CPEB1: variants seen among roughly 807,000 people sequenced by gnomAD.
CPEB1 encodes the protein cytoplasmic polyadenylation element-binding protein 1.
Under a neutral mutation model 65.8 loss-of-function variants are expected in CPEB1, and 7 were observed. The ratio of observed to expected loss-of-function variants is 0.11; its 90% CI spans 0.06 to 0.20. The LOEUF (loss-of-function observed/expected upper bound fraction) is 0.20. Ranked by LOEUF, CPEB1 falls within the 10% of genes least tolerant of loss-of-function variation. CPEB1 has a pLI of 1.00. For synonymous variants in CPEB1, 262 were observed against 260.0 expected, an observed-to-expected ratio of 1.01 and a Z score of -0.08; for missense variants, 551 against 712.2, an observed-to-expected ratio of 0.77 and a Z score of 2.58.
At chr15:82,567,642 A>G (rs28648832) in intron 4 of CPEB1, among the ~76,000 whole-genome samples, 30,783 of 151,894 alleles carry the variant, frequency 0.2, 3,332 homozygotes, top group Non-Finnish European at 0.24. Flanking sequence ...TCTCAAAAAA[A>G]AAAAGAAAAG....
At chr15:82,549,757 C>G in intron 9 of CPEB1, 99 bp from the exon 10 acceptor site, 1 of 1,190,278 alleles carries the variant, frequency 8.4e-7, no homozygotes, top group Non-Finnish European at 1.2e-6. Flanking sequence ...TGAAGCTAAG[C>G]TAACGCCCTT....
At chr15:82,618,745 C>T (rs2045003268) in intron 3 of CPEB1, among the ~76,000 whole-genome samples, 1 of 152,152 alleles carries the variant, frequency 6.6e-6, no homozygotes, top group South Asian at 2.1e-4. Flanking sequence ...TAAATACCAT[C>T]AAAACCTAGA....
At chr15:82,588,266 G>C (rs552629881) in intron 3 of CPEB1, among the ~76,000 whole-genome samples, 2 of 152,042 alleles carry the variant, frequency 1.3e-5, no homozygotes, top group South Asian at 4.2e-4. Flanking sequence ...TCTTAATGTG[G>C]AAGTTCATCC....
chr15:82,632,039 T>C (rs992125078), intron 1 of CPEB1, among the ~76,000 whole-genome samples: 8 of 142,142 alleles, frequency 5.6e-5, no homozygotes, highest in African/African-American at 2.1e-4. Flanking sequence ...TGGAGTGCAA[T>C]GGTGTGATCT....
At chr15:82,637,962 C>T (rs778093148) in intron 1 of CPEB1, 15 of 451,716 alleles carry the variant, frequency 3.3e-5, no homozygotes. Context: ...CAATGATTTT[C>T]CAAGACAAAA....
In CPEB1 at chr15:82,553,996, G is replaced by A; in HGVS notation, c.941-5C>T. On this transcript the variant is annotated splice_polypyrimidine_tract_variant and splice_region_variant and intron_variant, in intron 6 of 12. Transcript: ENST00000684509. ...TACAGGTGGCTTCATTCACAGCTTT[G>A]GTAGATGGCAAAGAGATAAACAGGG... The A allele has an allele frequency of 6.4e-7, 1 of 1,565,084 alleles. No homozygotes were observed. The highest frequency in any genetic ancestry group is 8.7e-7 in the Non-Finnish European group (1 of 1,145,966).
intron 3 of CPEB1, among the ~76,000 whole-genome samples, chr15:82,589,450 A>T (rs1460615998): frequency 1.3e-5 from 2 of 152,182 alleles, no homozygotes; most frequent in Non-Finnish European, 2.9e-5. Flanking sequence ...GCTGAGTATA[A>T]TTTGAAATTG....
At chr15:82,549,777 A>G in intron 9 of CPEB1, 119 bp from the exon 10 acceptor site, 2 of 947,888 alleles carry the variant, frequency 2.1e-6, no homozygotes, top group Non-Finnish European at 3.2e-6. Context: ...TACAGGGGTG[A>G]AAAGGTGCTG....
At chr15:82,585,295 C>A (rs1405692761) in intron 3 of CPEB1, among the ~76,000 whole-genome samples, 1 of 152,118 alleles carries the variant, frequency 6.6e-6, no homozygotes, top group Non-Finnish European at 1.5e-5. Context: ...GGAAACTAGA[C>A]CACATTCTCC....
intron 12 of CPEB1, among the ~76,000 whole-genome samples, chr15:82,545,297 A>G (rs1191620508): frequency 1.3e-5 from 2 of 152,194 alleles, no homozygotes; most frequent in African/African-American, 4.8e-5. Flanking sequence ...CTCAGGCTTT[A>G]ACTAACAATT....
At chr15:82,644,413 T>C (rs2047334897) in intron 1 of CPEB1, among the ~76,000 whole-genome samples, 1 of 152,202 alleles carries the variant, frequency 6.6e-6, no homozygotes, top group South Asian at 2.1e-4. Flanking sequence ...TGTGACTTGA[T>C]TTCTAAAGCC....
chr15:82,604,192 C>T (rs2043359030), intron 3 of CPEB1, among the ~76,000 whole-genome samples: 1 of 151,968 alleles, frequency 6.6e-6, no homozygotes, highest in South Asian at 2.1e-4. Context: ...CTACAAAAAA[C>T]AAAACAACGG....
chr15:82,573,327 G>C (rs1157927217), intron 3 of CPEB1: 4 of 668,298 alleles, frequency 6.0e-6, no homozygotes, highest in Non-Finnish European at 9.6e-6. Flanking sequence ...ATCTGTGTTT[G>C]TCAAAGCCTT....
chr15:82,592,363 G>A (rs1219099000), intron 3 of CPEB1, among the ~76,000 whole-genome samples: 4 of 151,306 alleles, frequency 2.6e-5, no homozygotes, highest in Admixed American at 6.6e-5. Context: ...AGAGATGGGC[G>A]GATCACTTGA....
intron 4 of CPEB1, among the ~76,000 whole-genome samples, chr15:82,560,227 A>C (rs1255215592): frequency 6.6e-6 from 1 of 152,238 alleles, no homozygotes; most frequent in African/African-American, 2.4e-5. Context: ...AGGCACTGTG[A>C]AAAATCAACA....
intron 1 of CPEB1, among the ~76,000 whole-genome samples, chr15:82,638,961 T>C (rs1377150318): frequency 2.6e-5 from 4 of 152,184 alleles, no homozygotes; most frequent in African/African-American, 7.2e-5. Context: ...CTCACCCCCA[T>C]TGCTTTTGCA....
chr15:82,646,732 G>A (rs1165520412), intron 1 of CPEB1, among the ~76,000 whole-genome samples: 1 of 152,232 alleles, frequency 6.6e-6, no homozygotes, highest in Middle Eastern at 3.2e-3. Flanking sequence ...GAATGAGGCA[G>A]CAAAGCCTCG....
intron 3 of CPEB1, among the ~76,000 whole-genome samples, chr15:82,580,636 C>T (rs572621153): frequency 6.6e-6 from 1 of 152,116 alleles, no homozygotes; most frequent in South Asian, 2.1e-4. Context: ...GCTTTTTTTA[C>T]GCTAAGCTAA....
intron 1 of CPEB1, chr15:82,630,282 T>A (rs2151330428): frequency 5.9e-6 from 1 of 168,912 alleles, no homozygotes; most frequent in East Asian, 1.9e-4. Flanking sequence ...CACTGCCTAA[T>A]AAACATTAGC....
Sources: gnomAD v4.1 joint callset for allele counts (sites outside exome capture counted in the v4.1 genomes callset) on GRCh38, gnomAD v4.1.1 for gene constraint, MANE v1.5 for transcripts, NCBI Gene and HGNC (gene_info 2026-07-23, HGNC 2026-07-21) for gene names.